The following ANO2 variants were observed in gnomAD, a reference collection of about 807,000 sequenced individuals.
ANO2 encodes anoctamin-2.
ANO2 carries 101 observed loss-of-function variants against 124.2 expected under a neutral mutation model. The ratio of observed to expected loss-of-function variants is 0.81; its 90% CI spans 0.69 to 0.96. ANO2 has a LOEUF of 0.96. Ranked by LOEUF, ANO2 falls within the 40% of genes least tolerant of loss-of-function variation. ANO2 has a pLI of 0.00. For synonymous variants in ANO2, 486 were observed against 482.5 expected, an observed-to-expected ratio of 1.01 and a Z score of -0.09; for missense variants, 1,293 against 1,274.5, an observed-to-expected ratio of 1.01 and a Z score of -0.22.
chr12:5,799,852 G>A (rs1214958646), intron 9 of ANO2, among the ~76,000 whole-genome samples: 2 of 152,186 alleles, frequency 1.3e-5, no homozygotes, highest in Non-Finnish European at 2.9e-5. Context: ...CCAGCAAAAT[G>A]AGCCCTAATG....
intron 3 of ANO2, among the ~76,000 whole-genome samples, chr12:5,857,999 G>A (rs1955157385): frequency 1.3e-5 from 2 of 152,168 alleles, no homozygotes; most frequent in South Asian, 4.1e-4. Flanking sequence ...GTAGAGCATA[G>A]AATTGTGGTT....
At chr12:5,827,408 T>C (rs1591663059) in intron 7 of ANO2, among the ~76,000 whole-genome samples, 1 of 152,214 alleles carries the variant, frequency 6.6e-6, no homozygotes, top group African/African-American at 2.4e-5. Context: ...AAAGGACCTC[T>C]AAGACGCTTT....
intron 16 of ANO2, among the ~76,000 whole-genome samples, chr12:5,624,358 G>A (rs1482792334): frequency 6.6e-6 from 1 of 152,104 alleles, no homozygotes; most frequent in Non-Finnish European, 1.5e-5. Context: ...CCTACTATGT[G>A]CCAAGCACCA....
intron 10 of ANO2, among the ~76,000 whole-genome samples, chr12:5,764,117 CA>C (rs1243459681): frequency 6.6e-6 from 1 of 150,766 alleles, no homozygotes; most frequent in Non-Finnish European, 1.5e-5. Context: ...GTAACAAACA[CA>C]AACTTCCCTA....
rs1946003521 is a variant in ANO2, at chr12:5,636,196, G to C, written c.1621-849C>G. On this transcript the variant is annotated intron_variant, in intron 15 of 24. Transcript: ENST00000682330. The surrounding 1 kb of genome is among the most constrained non-coding windows in gnomAD (Gnocchi z 4.6). Reference sequence around the variant, plus strand: ...TCCTCTCTCTAGAACCTAAGAATAAGAAGGGACTCTCTTAGACCTAGATCT... The same window carrying C: ...TCCTCTCTCTAGAACCTAAGAATAACAAGGGACTCTCTTAGACCTAGATCT... Among the ~76,000 whole-genome samples, 1 of 152,060 alleles carries C rather than the reference G, an allele frequency of 6.6e-6. No homozygotes were observed. The highest frequency in any genetic ancestry group is 1.5e-5 in the Non-Finnish European group (1 of 68,012).
rs538713897 is a variant in ANO2, at chr12:5,799,523, G to T, written c.1039C>A (p.Pro347Thr). ...ACCTCTTACCTGATGAGGTCAATAG[G>T]TTGGAACTTATAGAACACTCCATAG... is the stretch of plus-strand genomic sequence containing the variant. ...ARYGVFYKFQ[P>T]IDLIRKYFGE... The change falls in exon 10 of 25, where the codon CCT becomes ACT. Residue 347 changes from proline (P) to threonine (T), a missense_variant. By Grantham distance (38) the Pro-to-Thr change is conservative. Coordinates refer to ENST00000682330, the MANE Select transcript of ANO2 (RefSeq NM_001364791.2). 2 of 1,613,766 alleles carry T rather than the reference G, an allele frequency of 1.2e-6. No individual in the cohort carries two copies. The highest frequency in any genetic ancestry group is 2.2e-5 in the South Asian group (2 of 91,048).
intron 10 of ANO2, among the ~76,000 whole-genome samples, chr12:5,755,678 A>G (rs1199021453): frequency 6.6e-6 from 1 of 152,032 alleles, no homozygotes; most frequent in East Asian, 1.9e-4. Flanking sequence ...TCCTTCTGAT[A>G]GGTTGCTGAG....
At chr12:5,590,289 T>C (rs1163392942) in intron 20 of ANO2, among the ~76,000 whole-genome samples, 1 of 152,150 alleles carries the variant, frequency 6.6e-6, no homozygotes, top group East Asian at 1.9e-4. Context: ...CTTCTTCCAA[T>C]GTGGCCCAGG....
chr12:5,903,775 T>C (rs935149850), intron 3 of ANO2, among the ~76,000 whole-genome samples: 8 of 152,180 alleles, frequency 5.3e-5, no homozygotes, highest in South Asian at 2.1e-4. Flanking sequence ...TTTGGTCCTT[T>C]GGTCCTGGAG....
chr12:5,585,215 T>C (rs530801838), intron 20 of ANO2, among the ~76,000 whole-genome samples: 1 of 152,142 alleles, frequency 6.6e-6, no homozygotes, highest in Admixed American at 6.5e-5. Flanking sequence ...GTTAAGGTCG[T>C]TCCTGCAAAT....
chr12:5,834,185 A>G (rs898013829), intron 4 of ANO2, among the ~76,000 whole-genome samples: 1 of 152,218 alleles, frequency 6.6e-6, no homozygotes, highest in Non-Finnish European at 1.5e-5. Flanking sequence ...ACAAAAAATC[A>G]TGAGATAAAA....
rs564546118 is a variant in ANO2 at position 5,906,001 on chromosome 12, G to A, written c.534+15039C>T. 7.2e-5 allele frequency among the ~76,000 whole-genome samples: 11 copies of A among 152,270 alleles called. 1 individual carries two copies. In the South Asian group the frequency reaches 1.2e-3, roughly 17 times the overall value. ...CTCCTCAGGGTGGGTGGCTCTGAGCGGGCTGCAGATTGCTGTGGTGTTTTC... is the reference window on the plus strand; with the variant it reads ...CTCCTCAGGGTGGGTGGCTCTGAGCAGGCTGCAGATTGCTGTGGTGTTTTC... On this transcript the variant is annotated intron_variant, in intron 3 of 24. Coordinates refer to ENST00000682330, the MANE Select transcript of ANO2 (RefSeq NM_001364791.2).
At chr12:5,799,003 G>T (rs1217984127) in intron 10 of ANO2, among the ~76,000 whole-genome samples, 2 of 152,200 alleles carry the variant, frequency 1.3e-5, no homozygotes, top group African/African-American at 4.8e-5. Flanking sequence ...TGACAACACA[G>T]AAGGGAGGAA....
intron 23 of ANO2, among the ~76,000 whole-genome samples, chr12:5,574,182 G>A (rs1942279277): frequency 6.6e-6 from 1 of 152,186 alleles, no homozygotes; most frequent in African/African-American, 2.4e-5. Context: ...AGGATCTTTG[G>A]TCAAGTGCTT....
chr12:5,721,723 G>T (rs1046954776), intron 14 of ANO2, among the ~76,000 whole-genome samples: 3 of 152,100 alleles, frequency 2.0e-5, no homozygotes, highest in Non-Finnish European at 2.9e-5. Flanking sequence ...GCCCACGCTG[G>T]TCTCAAACTC....
At chr12:5,829,705 C>T (rs1217007190) in intron 6 of ANO2, among the ~76,000 whole-genome samples, 1 of 152,164 alleles carries the variant, frequency 6.6e-6, no homozygotes, top group African/African-American at 2.4e-5. Flanking sequence ...GGCTATGTGA[C>T]CTCTAGGGTG....
At chr12:5,873,735 G>A (rs368687738) in intron 3 of ANO2, among the ~76,000 whole-genome samples, 1 of 152,254 alleles carries the variant, frequency 6.6e-6, no homozygotes, top group African/African-American at 2.4e-5. Context: ...TAATGGGGCT[G>A]CTTGGGAGAC....
intron 15 of ANO2, among the ~76,000 whole-genome samples, chr12:5,642,798 G>A (rs1382415574): frequency 1.3e-5 from 2 of 152,048 alleles, no homozygotes; most frequent in Admixed American, 6.6e-5. Context: ...TGCACTCCCC[G>A]CTGCAGAGTG....
intron 16 of ANO2, among the ~76,000 whole-genome samples, chr12:5,627,811 G>T (rs1398365640): frequency 2.0e-5 from 3 of 152,040 alleles, no homozygotes; most frequent in Non-Finnish European, 2.9e-5. Flanking sequence ...TCCTGGTAGG[G>T]GCCAGGCACG....
Sources: allele counts gnomAD v4.1 joint callset (sites outside exome capture counted in the v4.1 genomes callset), GRCh38; gene constraint gnomAD v4.1.1; non-coding constraint Gnocchi (gnomAD v3.1); transcripts MANE v1.5; gene names NCBI Gene and HGNC (gene_info 2026-07-23, HGNC 2026-07-21).